ZPLD1: variants seen among roughly 807,000 people sequenced by gnomAD.
ZPLD1 encodes the protein zona pellucida like domain containing 1.
A neutral mutation model predicts 47.2 loss-of-function variants in ZPLD1; 34 were observed. That is an observed-to-expected ratio of 0.72 (90% CI 0.55 to 0.96). The LOEUF is 0.96. ZPLD1 is among the 40% of genes least tolerant of loss of function. The pLI, the probability that ZPLD1 is intolerant of heterozygous loss-of-function variation, is 0.00. For missense variants in ZPLD1, 512 were observed against 505.8 expected, an observed-to-expected ratio of 1.01 and a Z score of -0.12; for synonymous variants, 176 against 186.2, an observed-to-expected ratio of 0.95 and a Z score of 0.45.
intron 8 of ZPLD1, among the ~76,000 whole-genome samples, chr3:102,422,607 A>C (rs3891857): frequency 6.6e-6 from 1 of 151,836 alleles, no homozygotes; most frequent in African/African-American, 2.4e-5. Context: ...AAAGAAGAGC[A>C]TGGGAAGGTT....
intron 10 of ZPLD1, 62 bp downstream of exon 10, chr3:102,470,564 C>A: frequency 7.3e-7 from 1 of 1,372,350 alleles, no homozygotes; most frequent in Non-Finnish European, 1.0e-6. Flanking sequence ...CGTTACTTGG[C>A]TTCTAACGAG....
chr3:102,404,533 TGAGA>T (rs989655534), intron 7 of ZPLD1, among the ~76,000 whole-genome samples: 2 of 151,974 alleles, frequency 1.3e-5, no homozygotes, highest in African/African-American at 4.8e-5. Context: ...ATGTTTCGGG[TGAGA>T]GTCAGTGAAT....
upstream of ZPLD1, among the ~76,000 whole-genome samples, chr3:102,430,331 G>A (rs1707002504): frequency 6.6e-6 from 1 of 152,118 alleles, no homozygotes; most frequent in Non-Finnish European, 1.5e-5. Context: ...CCTGACACCT[G>A]CCATCTAAAT....
chr3:102,386,561 C>A (rs1165372155), intron 6 of ZPLD1, among the ~76,000 whole-genome samples: 1 of 151,844 alleles, frequency 6.6e-6, no homozygotes, highest in Non-Finnish European at 1.5e-5. Flanking sequence ...ATTTCAGAAC[C>A]TAAGAGGTTG....
chr3:102,447,762 A>G lies in ZPLD1; in HGVS notation c.107-5157A>G, dbSNP rs116063572. ...AAATTGTTAAAACAAGAACAAAGTT[A>G]GATATATTATTAGATATGTAAATAA... On this transcript the variant is annotated intron_variant, in intron 3 of 11. Transcript: ENST00000466937. 7.2e-3 allele frequency among the ~76,000 whole-genome samples: 1,101 copies of G among 152,360 alleles called. 10 individuals are homozygous for G. The highest frequency in any genetic ancestry group is 0.01 in the Non-Finnish European group (685 of 68,034).
intron 6 of ZPLD1, among the ~76,000 whole-genome samples, chr3:102,460,338 T>G (rs1707487387): frequency 6.6e-6 from 1 of 152,018 alleles, no homozygotes; most frequent in African/African-American, 2.4e-5. Flanking sequence ...CAATAGTTTA[T>G]TTTTATGTGC....
At chr3:102,431,433 A>G (rs1212720821), upstream of ZPLD1, among the ~76,000 whole-genome samples, 7 of 152,210 alleles carry the variant, frequency 4.6e-5, no homozygotes, top group South Asian at 4.1e-4. Flanking sequence ...TAATGAATGT[A>G]TATGTACATA....
chr3:102,451,719 G>T (rs915597017), intron 3 of ZPLD1, among the ~76,000 whole-genome samples: 3 of 152,122 alleles, frequency 2.0e-5, no homozygotes, highest in Non-Finnish European at 2.9e-5. Flanking sequence ...CCAGTGGTTT[G>T]CCAGCAACCT....
intron 7 of ZPLD1, among the ~76,000 whole-genome samples, chr3:102,395,087 A>G (rs888647578): frequency 1.3e-5 from 2 of 152,046 alleles, no homozygotes; most frequent in Non-Finnish European, 2.9e-5. Flanking sequence ...GATAACCTTT[A>G]CTGACCCTTC....
At chr3:102,405,971 G>A (rs549696450) in intron 7 of ZPLD1, among the ~76,000 whole-genome samples, 1 of 152,052 alleles carries the variant, frequency 6.6e-6, no homozygotes, top group East Asian at 1.9e-4. Context: ...TCACTTAAAA[G>A]CTATTTTGTT....
chr3:102,429,964 G>A (rs543507991), intron 8 of ZPLD1, among the ~76,000 whole-genome samples: 1 of 152,128 alleles, frequency 6.6e-6, no homozygotes, highest in African/African-American at 2.4e-5. Context: ...AATGCAACAA[G>A]TCCTGTTATT....
chr3:102,412,073 C>T (rs1484555178), intron 7 of ZPLD1, among the ~76,000 whole-genome samples: 2 of 151,672 alleles, frequency 1.3e-5, no homozygotes, highest in Non-Finnish European at 3.0e-5. Context: ...TGCAGAATTG[C>T]TTCTTTCTTG....
chr3:102,429,712 T>C (rs1020698000), intron 8 of ZPLD1, among the ~76,000 whole-genome samples: 1 of 152,160 alleles, frequency 6.6e-6, no homozygotes, highest in African/African-American at 2.4e-5. Context: ...TGGATCAAAA[T>C]GTCTAAAACT....
chr3:102,413,725 T>C (rs894749915), intron 7 of ZPLD1, among the ~76,000 whole-genome samples: 4 of 151,736 alleles, frequency 2.6e-5, no homozygotes, highest in Non-Finnish European at 5.9e-5. Context: ...AATGATCCCA[T>C]AGTAAGAACA....
At chr3:102,417,252 A>G (rs138514777) in intron 7 of ZPLD1, among the ~76,000 whole-genome samples, 1 of 152,068 alleles carries the variant, frequency 6.6e-6, no homozygotes, top group East Asian at 1.9e-4. Context: ...AATCAATACA[A>G]AAGGCTTCAA....
chr3:102,436,066 C>T lies in ZPLD1; in HGVS notation c.-122-794C>T, dbSNP rs547969838. 2.6e-5 allele frequency among the ~76,000 whole-genome samples: 4 copies of T among 152,278 alleles called. No individual in the cohort carries two copies. In the South Asian group the frequency reaches 6.2e-4, roughly 24 times the overall value. Reference sequence around the variant, plus strand: ...AGAAAGCTGCCTTCTACTTCCACCTCGTATTCATTAAAAAATGGTTAGGGT... The same window carrying T: ...AGAAAGCTGCCTTCTACTTCCACCTTGTATTCATTAAAAAATGGTTAGGGT... On this transcript the variant is annotated intron_variant, in intron 1 of 11. Transcript: ENST00000466937.
intron 6 of ZPLD1, among the ~76,000 whole-genome samples, chr3:102,387,402 G>A (rs1216445391): frequency 6.6e-6 from 1 of 152,100 alleles, no homozygotes; most frequent in Non-Finnish European, 1.5e-5. Context: ...TTTGTATATT[G>A]AGATGCTCTC....
chr3:102,463,267 T>C (rs1272703217), intron 7 of ZPLD1, among the ~76,000 whole-genome samples: 2 of 152,218 alleles, frequency 1.3e-5, no homozygotes. Context: ...ACAGTGTCTA[T>C]TGTGGACTCC....
chr3:102,389,376 A>G (rs1371124997), intron 6 of ZPLD1, among the ~76,000 whole-genome samples: 1 of 152,210 alleles, frequency 6.6e-6, no homozygotes, highest in Non-Finnish European at 1.5e-5. Context: ...GAGGGCTTTA[A>G]GTCATTACTT....
Sources: allele counts gnomAD v4.1 joint callset (sites outside exome capture counted in the v4.1 genomes callset), GRCh38; gene constraint gnomAD v4.1.1; transcripts MANE v1.5; gene names NCBI Gene and HGNC (gene_info 2026-07-23, HGNC 2026-07-21).